WNT2B: variants seen among roughly 807,000 people sequenced by gnomAD.
The protein encoded by WNT2B is protein Wnt-2b.
In WNT2B, 19 loss-of-function variants were observed where a neutral mutation model predicts 40.5. That is an observed-to-expected ratio of 0.47 (90% CI 0.33 to 0.69). WNT2B has a LOEUF of 0.69. Among genes scored for constraint, WNT2B ranks in the 30% least tolerant of loss-of-function variants. The probability of loss-of-function intolerance (pLI) is 0.02; values close to 1 mark genes in which losing one functional copy is unlikely to be tolerated. For synonymous variants in WNT2B, 220 were observed against 211.9 expected, an observed-to-expected ratio of 1.04 and a Z score of -0.33; for missense variants, 467 against 556.4, an observed-to-expected ratio of 0.84 and a Z score of 1.62.
chr1:112,478,291 A>T (rs1651112670), intron 1 of WNT2B, among the ~76,000 whole-genome samples: 2 of 140,734 alleles, frequency 1.4e-5, no homozygotes, highest in South Asian at 2.2e-4. Context: ...AAAGCTTATT[A>T]AAAAAAAATA....
intron 1 of WNT2B, among the ~76,000 whole-genome samples, chr1:112,478,732 G>C (rs1348521522): frequency 6.6e-6 from 1 of 151,796 alleles, no homozygotes; most frequent in East Asian, 1.9e-4. Context: ...ACCAGCCTGG[G>C]CAACATGGCA....
chr1:112,504,859 C>T (rs770974516), upstream of WNT2B, among the ~76,000 whole-genome samples: 13 of 152,042 alleles, frequency 8.6e-5, no homozygotes, highest in Non-Finnish European at 1.6e-4. Flanking sequence ...AGAAGGTCAT[C>T]GCCAAAGGGG....
At chr1:112,471,249 C>T (rs1578829) in intron 1 of WNT2B, among the ~76,000 whole-genome samples, 3,796 of 152,256 alleles carry the variant, frequency 0.025, 161 homozygotes, top group African/African-American at 0.086. Context: ...GACAGGGCCT[C>T]CAGACCACCA....
intron 2 of WNT2B, 43 bp from the exon 3 acceptor site, chr1:112,516,097 T>A (rs973720540): frequency 3.8e-6 from 6 of 1,578,122 alleles, no homozygotes; most frequent in Non-Finnish European, 5.2e-6. Context: ...GGGACAGACA[T>A]GGGCCTCTTT....
At chr1:112,516,113 A>G (rs1329092837) in intron 2 of WNT2B, 27 bp from the exon 3 acceptor site, 17 of 1,591,782 alleles carry the variant, frequency 1.1e-5, no homozygotes, top group Non-Finnish European at 1.3e-5. Flanking sequence ...TCTTTCCTGA[A>G]GCACACCTCT....
intron 1 of WNT2B, among the ~76,000 whole-genome samples, chr1:112,511,131 C>T (rs1021107229): frequency 3.3e-5 from 5 of 151,960 alleles, no homozygotes; most frequent in African/African-American, 1.2e-4. Flanking sequence ...TCCTAGTTCC[C>T]ATTTTGTACT....
chr1:112,494,901 A>G lies in WNT2B; in HGVS notation c.-94-19973A>G, dbSNP rs534308482. Among the ~76,000 whole-genome samples the G allele has an allele frequency of 2.6e-5, 4 of 151,744 alleles. No homozygotes were observed. In the South Asian group the frequency reaches 8.3e-4, roughly 31 times the overall value. On this transcript the variant is annotated intron_variant, in intron 1 of 4. Transcript: ENST00000256640. ...GTTCTAACAGATAACAGTTTGTTCA[A>G]AATAAAAATAGCAATAGTATATTTG... is the stretch of plus-strand genomic sequence containing the variant.
chr1:112,520,346 T>C lies in WNT2B; in HGVS notation c.1013T>C (p.Met338Thr). The C allele has an allele frequency of 6.2e-7, 1 of 1,614,216 alleles. No individual in the cohort carries two copies. Among genetic ancestry groups the C allele is most frequent in the South Asian group, 1.1e-5 (1 of 91,088 alleles). ...TSKGTDGCEI[M>T]CCGRGYDTTR... ...AAAGGAACAGACGGTTGTGAAATCA[T>C]GTGCTGTGGCCGAGGGTACGACACA... The change falls in exon 5 of 5, where the codon ATG (methionine) becomes ACG (threonine). Residue 338 changes from methionine to threonine, a missense_variant. Physicochemically the swap from Met to Thr is moderately conservative, Grantham distance 81. Around this residue, in one of 2 missense-constraint regions of WNT2B, gnomAD observed 330 missense variants for 438.6 expected, o/e 0.75. Transcript: ENST00000369684.
At chr1:112,467,866 A>G (rs2101045229) in intron 1 of WNT2B, among the ~76,000 whole-genome samples, 1 of 152,358 alleles carries the variant, frequency 6.6e-6, no homozygotes, top group East Asian at 1.9e-4. Context: ...GTTGCCAAGT[A>G]TAGTCACCCT....
chr1:112,495,264 A>G (rs1250725647), intron 1 of WNT2B, among the ~76,000 whole-genome samples: 1 of 149,504 alleles, frequency 6.7e-6, no homozygotes, highest in Non-Finnish European at 1.5e-5. Flanking sequence ...AGAAAACAGT[A>G]ACAAATATGG....
At chr1:112,505,122 G>A (rs1280193749), upstream of WNT2B, among the ~76,000 whole-genome samples, 1 of 152,234 alleles carries the variant, frequency 6.6e-6, no homozygotes, top group Non-Finnish European at 1.5e-5. Context: ...GAGAGGACAG[G>A]AGGAGGCTCT....
intron 1 of WNT2B, among the ~76,000 whole-genome samples, chr1:112,469,156 G>A (rs932623339): frequency 6.6e-6 from 1 of 152,126 alleles, no homozygotes; most frequent in Non-Finnish European, 1.5e-5. Flanking sequence ...CTGTTCCATT[G>A]GTCTATGTGT....
At chr1:112,476,916 C>T (rs1411532637) in intron 1 of WNT2B, among the ~76,000 whole-genome samples, 3 of 152,188 alleles carry the variant, frequency 2.0e-5, no homozygotes, top group Non-Finnish European at 2.9e-5. Flanking sequence ...GACACTGGCA[C>T]CACCACTGCC....
At chr1:112,468,312 G>C (rs1416011346) in intron 1 of WNT2B, among the ~76,000 whole-genome samples, 1 of 152,144 alleles carries the variant, frequency 6.6e-6, no homozygotes, top group Non-Finnish European at 1.5e-5. Context: ...CCTTTAGCTA[G>C]ATACCCAGTA....
intron 1 of WNT2B, among the ~76,000 whole-genome samples, chr1:112,499,083 G>A (rs1200799729): frequency 1.3e-5 from 2 of 151,892 alleles, no homozygotes; most frequent in Non-Finnish European, 2.9e-5. Flanking sequence ...GCGTGCGCCT[G>A]TAATCCCAGT....
At chr1:112,493,186 G>A (rs59075478) in intron 1 of WNT2B, among the ~76,000 whole-genome samples, 17,057 of 152,188 alleles carry the variant, frequency 0.11, 1,761 homozygotes, top group African/African-American at 0.27. Flanking sequence ...TTAACAAAGA[G>A]AAAGGAGAAG....
Position 112,529,326 on chromosome 1 carries a change from C to G in WNT2B, c.*8817C>G, listed in dbSNP as rs1653988482. 1 of 152,142 alleles carries G rather than the reference C, an allele frequency of 6.6e-6. No individual in the cohort carries two copies. The highest frequency in any genetic ancestry group is 2.4e-5 in the African/African-American group (1 of 41,422). 9.4% of individuals were successfully genotyped at this position (152,142 alleles called of 1,614,324 possible). Reference sequence around the variant, plus strand: ...TATCATCTTAGTTCTCTTCCCTCCCCTAGGTAGTTTATAAAGGGTGATTTC... The same window carrying G: ...TATCATCTTAGTTCTCTTCCCTCCCGTAGGTAGTTTATAAAGGGTGATTTC... On this transcript the variant is annotated 3_prime_UTR_variant, in exon 5 of 5. Coordinates refer to ENST00000369684, the MANE Select transcript of WNT2B (RefSeq NM_024494.3).
At position 112,517,096 on chromosome 1, in the gene WNT2B, C is replaced by T. The variant is rs200337719; in HGVS notation, c.682-25C>T. ...ATGTGTCCTGACCAGCTACTTCTCC[C>T]TTAACTGCCTTCCCCCTCCCCCAGG... On this transcript the variant is annotated intron_variant, in intron 3 of 4. Coordinates refer to ENST00000369684, the MANE Select transcript of WNT2B (RefSeq NM_024494.3). 1.6e-3 allele frequency: 2,640 copies of T among 1,601,938 alleles called. 1 individual carries two copies. The highest frequency in any genetic ancestry group is 2.1e-3 in the Non-Finnish European group (2,414 of 1,171,338).
chr1:112,476,962 G>A (rs1042783925), intron 1 of WNT2B, among the ~76,000 whole-genome samples: 2 of 152,156 alleles, frequency 1.3e-5, no homozygotes, highest in Non-Finnish European at 1.5e-5. Context: ...TAGAGCCATG[G>A]CTGTTCTGTG....
Sources: allele counts gnomAD v4.1 joint callset (sites outside exome capture counted in the v4.1 genomes callset), GRCh38; gene constraint gnomAD v4.1.1; regional missense constraint gnomAD v4.1.1; transcripts MANE v1.5; gene names NCBI Gene and HGNC (gene_info 2026-07-23, HGNC 2026-07-21).